The following ADSS2 variants were observed in gnomAD, a reference collection of about 807,000 sequenced individuals.
The protein encoded by ADSS2 is adenylosuccinate synthase 2.
ADSS2 carries 30 observed loss-of-function variants against 60.0 expected under a neutral mutation model. The ratio of observed to expected loss-of-function variants is 0.50; its 90% CI spans 0.37 to 0.68. The LOEUF (loss-of-function observed/expected upper bound fraction) is 0.68, where lower values mean the gene tolerates loss of function less well. ADSS2 is among the 30% of genes least tolerant of loss of function. The pLI, the probability that ADSS2 is intolerant of heterozygous loss-of-function variation, is 0.00. For synonymous variants in ADSS2, 187 were observed against 193.1 expected, an observed-to-expected ratio of 0.97 and a Z score of 0.26; for missense variants, 373 against 554.8, an observed-to-expected ratio of 0.67 and a Z score of 3.29.
chr1:244,441,517 G>T (rs530019950), intron 1 of ADSS2, among the ~76,000 whole-genome samples: 1 of 150,988 alleles, frequency 6.6e-6, no homozygotes, highest in African/African-American at 2.4e-5. Flanking sequence ...GTCAAACCAG[G>T]TTTTTTTTTA....
rs1664757539 is a variant in ADSS2, at chr1:244,424,744, T to C, written c.407-357A>G. ...CTAGGGCTCATGTTGACACCTCCCT[T>C]TTCCTCACTAGTCTCGAGCTTCCAT... is the stretch of plus-strand genomic sequence containing the variant. On this transcript the variant is annotated intron_variant, in intron 4 of 12. Coordinates refer to ENST00000366535, the MANE Select transcript of ADSS2 (RefSeq NM_001126.5). The C allele has an allele frequency of 9.9e-6, 2 of 201,998 alleles. 1 individual carries two copies. Among genetic ancestry groups the C allele is most frequent in the Admixed American group, 1.1e-4 (2 of 18,518 alleles). 12.5% of individuals were successfully genotyped at this position (201,998 alleles called of 1,614,324 possible).
chr1:244,425,717 T>A (rs1428215116), intron 4 of ADSS2, among the ~76,000 whole-genome samples: 1 of 152,194 alleles, frequency 6.6e-6, no homozygotes. Flanking sequence ...TTCCCTGGTG[T>A]GTTAGTAGAA....
At chr1:244,436,013 C>A (rs1665092146) in intron 3 of ADSS2, among the ~76,000 whole-genome samples, 1 of 152,092 alleles carries the variant, frequency 6.6e-6, no homozygotes, top group South Asian at 2.1e-4. Context: ...GGAATCTGGG[C>A]GTGCATGGAA....
intron 1 of ADSS2, among the ~76,000 whole-genome samples, chr1:244,439,140 C>T (rs1430665568): frequency 1.3e-5 from 2 of 152,190 alleles, no homozygotes; most frequent in African/African-American, 2.4e-5. Flanking sequence ...TAAGTGGGAA[C>T]ATGTGAAGTT....
intron 4 of ADSS2, among the ~76,000 whole-genome samples, chr1:244,428,484 GA>G: frequency 6.7e-6 from 1 of 150,118 alleles, no homozygotes; most frequent in African/African-American, 2.5e-5. Flanking sequence ...CATTAGAAAA[GA>G]AAGAGGAAGC....
At position 244,435,194 on chromosome 1, in the gene ADSS2, A is replaced by AAAAAAAAAAAAAAAAAAAAAAAAAAAAAC. The variant is rs1553308065; in HGVS notation, c.355+1630_355+1631insGTTTTTTTTTTTTTTTTTTTTTTTTTTTT. ...AAAAAAAAAAAAAAAAAAAAAAAAA[A>AAAAAAAAAAAAAAAAAAAAAAAAAAAAAC]AAACAAACCTGAACATACTATAACA... On this transcript the variant is annotated intron_variant, in intron 3 of 12. Transcript: ENST00000366535. Among the ~76,000 whole-genome samples, 18 of 127,908 alleles carry AAAAAAAAAAAAAAAAAAAAAAAAAAAAAC rather than the reference A, an allele frequency of 1.4e-4. 1 individual carries two copies. Among genetic ancestry groups the AAAAAAAAAAAAAAAAAAAAAAAAAAAAAC allele is most frequent in the African/African-American group, 5.1e-4 (16 of 31,140 alleles). The allele number at this position is 127,908 out of a possible 152,430, so 83.9% of individuals were successfully genotyped here.
chr1:244,409,429 C>A lies in ADSS2; in HGVS notation c.*157G>T. The A allele has an allele frequency of 1.7e-6, 1 of 573,248 alleles. No individual in the cohort carries two copies. The highest frequency in any genetic ancestry group is 2.3e-5 in the South Asian group (1 of 42,896). The allele number at this position is 573,248 out of a possible 1,614,324, so 35.5% of individuals were successfully genotyped here. ...CACTGGAATATGCCAAAGTTAATCTCCACAGTAGGCATCCATCTGAAAAGA... is the reference window on the plus strand; with the variant it reads ...CACTGGAATATGCCAAAGTTAATCTACACAGTAGGCATCCATCTGAAAAGA... On this transcript the variant is annotated 3_prime_UTR_variant, in exon 13 of 13. Transcript: ENST00000366535.
At chr1:244,425,161 G>A (rs986312540) in intron 4 of ADSS2, among the ~76,000 whole-genome samples, 8 of 152,030 alleles carry the variant, frequency 5.3e-5, no homozygotes, top group Non-Finnish European at 1.2e-4. Context: ...GTTGATTTCC[G>A]GTGCAAACAT....
At chr1:244,439,487 C>T (rs140471079) in intron 1 of ADSS2, among the ~76,000 whole-genome samples, 48 of 152,250 alleles carry the variant, frequency 3.2e-4, no homozygotes, top group African/African-American at 6.7e-4. Flanking sequence ...CTCAGGACTC[C>T]GCCCAGTGCC....
intron 11 of ADSS2, among the ~76,000 whole-genome samples, chr1:244,413,512 C>T (rs926534092): frequency 6.6e-6 from 1 of 152,210 alleles, no homozygotes; most frequent in African/African-American, 2.4e-5. Flanking sequence ...TTCCTGACCA[C>T]AGTTCAGAAC....
At chr1:244,436,789 A>G in intron 3 of ADSS2, 36 bp downstream of exon 3, 1 of 1,546,700 alleles carries the variant, frequency 6.5e-7, no homozygotes, top group South Asian at 1.1e-5. Context: ...CTTTACAAAG[A>G]ACAACTGGTT....
intron 9 of ADSS2, 30 bp downstream of exon 9, chr1:244,418,730 A>G: frequency 6.5e-7 from 1 of 1,550,334 alleles, no homozygotes; most frequent in Non-Finnish European, 8.7e-7. Flanking sequence ...TTTTTAATAC[A>G]TTTTGATTAT....
intron 3 of ADSS2, among the ~76,000 whole-genome samples, chr1:244,434,750 G>A (rs990816396): frequency 6.6e-6 from 1 of 152,150 alleles, no homozygotes; most frequent in Admixed American, 6.5e-5. Flanking sequence ...TGAGAGCAGA[G>A]AGCAGCATCA....
chr1:244,439,045 CACT>C, intron 1 of ADSS2, among the ~76,000 whole-genome samples: 1 of 152,198 alleles, frequency 6.6e-6, no homozygotes, highest in African/African-American at 2.4e-5. Context: ...CCACTCTTAC[CACT>C]ACCTTTCCCA....
chr1:244,441,742 G>A (rs1171479118), intron 1 of ADSS2, among the ~76,000 whole-genome samples: 1 of 151,992 alleles, frequency 6.6e-6, no homozygotes, highest in African/African-American at 2.4e-5. Context: ...AGGTCACAAG[G>A]TCAGGAGACT....
intron 3 of ADSS2, among the ~76,000 whole-genome samples, chr1:244,433,326 A>G (rs958096948): frequency 6.6e-6 from 1 of 152,226 alleles, no homozygotes; most frequent in Non-Finnish European, 1.5e-5. Flanking sequence ...CATGTCTAAC[A>G]AGAGTTTTCT....
At chr1:244,433,589 G>T (rs1366577394) in intron 3 of ADSS2, among the ~76,000 whole-genome samples, 1 of 152,176 alleles carries the variant, frequency 6.6e-6, no homozygotes, top group African/African-American at 2.4e-5. Flanking sequence ...TGGGTGCGGT[G>T]GCTTACGCCT....
At position 244,409,266 on chromosome 1, in the gene ADSS2, A is replaced by G. The variant is rs953125432; in HGVS notation, c.*320T>C. On this transcript the variant is annotated 3_prime_UTR_variant, in exon 13 of 13. Transcript: ENST00000366535. ...CACGCAATGACAATAATGAAGAAAA[A>G]CTACATTAAAAGTAATTCTACTTTT... The G allele has an allele frequency of 9.1e-6, 2 of 219,460 alleles. No individual in the cohort carries two copies. Among genetic ancestry groups the G allele is most frequent in the South Asian group, 3.0e-4 (2 of 6,700 alleles). The allele number at this position is 219,460 out of a possible 1,614,324, so 13.6% of individuals were successfully genotyped here.
upstream of ADSS2, chr1:244,451,974 C>T: frequency 2.8e-6 from 2 of 714,358 alleles, no homozygotes; most frequent in Non-Finnish European, 4.3e-6. This position sits in a 1 kb window ranked among gnomAD's most constrained non-coding sequence, Gnocchi z 6.6. Flanking sequence ...AGCCAGTCCC[C>T]GCCCCGCTCT....
Sources: allele counts gnomAD v4.1 joint callset (sites outside exome capture counted in the v4.1 genomes callset), GRCh38; gene constraint gnomAD v4.1.1; non-coding constraint Gnocchi (gnomAD v3.1); transcripts MANE v1.5; gene names NCBI Gene and HGNC (gene_info 2026-07-23, HGNC 2026-07-21).